Variants in LRRTM4 observed in about 807,000 individuals in gnomAD.
LRRTM4 encodes the protein leucine-rich repeat transmembrane neuronal protein 4.
In LRRTM4, 25 loss-of-function variants were observed where a neutral mutation model predicts 47.6. That is an observed-to-expected ratio of 0.53 (90% CI 0.38 to 0.73). The LOEUF (loss-of-function observed/expected upper bound fraction) is 0.73, where lower values mean the gene tolerates loss of function less well. Ranked by LOEUF, LRRTM4 falls within the 30% of genes least tolerant of loss-of-function variation. The pLI is 0.00. For synonymous variants in LRRTM4, 311 were observed against 269.5 expected (o/e 1.15, Z -1.51); for missense variants, 638 against 713.4 (o/e 0.89, Z 1.20).
At chr2:76,800,046 C>G (rs1675576503) in intron 3 of LRRTM4, among the ~76,000 whole-genome samples, 2 of 151,988 alleles carry the variant, frequency 1.3e-5, no homozygotes, top group African/African-American at 4.8e-5. Flanking sequence ...TTTACAGATT[C>G]AATGCCATCC....
At chr2:77,044,762 A>C (rs1014856281) in intron 3 of LRRTM4, among the ~76,000 whole-genome samples, 19 of 151,736 alleles carry the variant, frequency 1.3e-4, no homozygotes, top group African/African-American at 4.6e-4. Context: ...ACATATATAA[A>C]TATCTACACA....
At chr2:77,497,705 T>A (rs1678418542) in intron 3 of LRRTM4, among the ~76,000 whole-genome samples, 1 of 150,712 alleles carries the variant, frequency 6.6e-6, no homozygotes, top group Admixed American at 6.7e-5. Context: ...TATGTAATTA[T>A]AATATATAAT....
intron 3 of LRRTM4, among the ~76,000 whole-genome samples, chr2:77,145,776 A>AAAATAAATAAAT (rs71381266): frequency 0.011 from 1,600 of 148,038 alleles, 25 homozygotes; most frequent in African/African-American, 0.033. Flanking sequence ...TCCGTCTCAA[A>AAAATAAATAAAT]AAATAAATAA....
At chr2:77,386,613 A>T (rs558370236) in intron 3 of LRRTM4, among the ~76,000 whole-genome samples, 41 of 152,200 alleles carry the variant, frequency 2.7e-4, no homozygotes, top group Non-Finnish European at 5.3e-4. Context: ...TTGGGTATAT[A>T]CCCAGTAATG....
chr2:77,158,725 G>T (rs1480485952), intron 3 of LRRTM4, among the ~76,000 whole-genome samples: 1 of 151,374 alleles, frequency 6.6e-6, no homozygotes, highest in African/African-American at 2.4e-5. Context: ...AAGTACAAAA[G>T]TTGAAACTTG....
chr2:77,480,337 C>T (rs1322063878), intron 3 of LRRTM4, among the ~76,000 whole-genome samples: 1 of 152,124 alleles, frequency 6.6e-6, no homozygotes, highest in African/African-American at 2.4e-5. Flanking sequence ...TCAGCTGATT[C>T]AATAGGCATT....
intron 3 of LRRTM4, among the ~76,000 whole-genome samples, chr2:77,188,874 A>T (rs977816729): frequency 2.0e-5 from 3 of 152,148 alleles, no homozygotes; most frequent in African/African-American, 7.2e-5. Context: ...GAGTTCGATC[A>T]TTTTTGTTTC....
intron 3 of LRRTM4, among the ~76,000 whole-genome samples, chr2:76,975,839 T>G (rs1558772989): frequency 6.6e-6 from 1 of 151,544 alleles, no homozygotes; most frequent in Non-Finnish European, 1.5e-5. Flanking sequence ...ATTTTGTAAC[T>G]AATCAAATAA....
At chr2:76,915,797 G>C (rs1367217412) in intron 3 of LRRTM4, among the ~76,000 whole-genome samples, 1 of 152,018 alleles carries the variant, frequency 6.6e-6, no homozygotes, top group East Asian at 1.9e-4. Flanking sequence ...ATAGTTATAA[G>C]AAAGTGAAGA....
intron 2 of LRRTM4, among the ~76,000 whole-genome samples, chr2:77,521,155 A>T (rs576418636): frequency 6.6e-6 from 1 of 152,140 alleles, no homozygotes; most frequent in South Asian, 2.1e-4. Context: ...GAAAAAAGCC[A>T]GTCACACTCG....
At chr2:76,945,671 T>G (rs1573351802) in intron 3 of LRRTM4, among the ~76,000 whole-genome samples, 1 of 151,746 alleles carries the variant, frequency 6.6e-6, no homozygotes, top group Non-Finnish European at 1.5e-5. Flanking sequence ...AGAAAAACAA[T>G]GAAACATTAA....
rs114830815 is a variant in LRRTM4 at position 77,452,263 on chromosome 2, A to G, written c.1551+66055T>C. Among the ~76,000 whole-genome samples the G allele has an allele frequency of 2.6e-3, 392 of 152,336 alleles. 6 individuals are homozygous for G. The highest frequency in any genetic ancestry group is 8.9e-3 in the African/African-American group (372 of 41,576). On this transcript the variant is annotated intron_variant, in intron 3 of 3. Transcript: ENST00000409884. ...TATTGCAGTGGACTACGCAGCATGC[A>G]ATAGGGTGACAGCCAGATAGGTTTG...
chr2:77,257,473 G>A (rs1050229646), intron 3 of LRRTM4, among the ~76,000 whole-genome samples: 1 of 152,032 alleles, frequency 6.6e-6, no homozygotes, highest in African/African-American at 2.4e-5. Context: ...GAAATACATA[G>A]TTGTACATTT....
chr2:76,891,709 T>C (rs1673260579), intron 3 of LRRTM4, among the ~76,000 whole-genome samples: 1 of 151,676 alleles, frequency 6.6e-6, no homozygotes, highest in Admixed American at 6.6e-5. Flanking sequence ...CACATTAGAA[T>C]AAACTCCAAA....
At chr2:77,049,122 T>TATATATATATATATATATATATATA (rs34587249) in intron 3 of LRRTM4, among the ~76,000 whole-genome samples, 2 of 62,698 alleles carry the variant, frequency 3.2e-5, no homozygotes, top group African/African-American at 8.8e-5. Flanking sequence ...ATTTCATTTT[T>TATATATATATATATATATATATATA]TATATATATA....
chr2:77,367,377 A>C (rs1018004395), intron 3 of LRRTM4, among the ~76,000 whole-genome samples: 4 of 151,796 alleles, frequency 2.6e-5, no homozygotes, highest in Non-Finnish European at 4.4e-5. Context: ...TATTATCTAA[A>C]ATGATTAATT....
At chr2:77,321,299 A>C (rs1677781707) in intron 3 of LRRTM4, among the ~76,000 whole-genome samples, 1 of 152,114 alleles carries the variant, frequency 6.6e-6, no homozygotes, top group African/African-American at 2.4e-5. Context: ...AGAATGCTTT[A>C]GTCTATGTGT....
chr2:77,310,791 A>C (rs2104196029), intron 3 of LRRTM4, among the ~76,000 whole-genome samples: 1 of 152,280 alleles, frequency 6.6e-6, no homozygotes, highest in African/African-American at 2.4e-5. Flanking sequence ...TTTTTTAAAT[A>C]ATACTGAGCA....
At chr2:76,961,827 A>G (rs1179431816) in intron 3 of LRRTM4, among the ~76,000 whole-genome samples, 2 of 151,344 alleles carry the variant, frequency 1.3e-5, no homozygotes, top group South Asian at 2.1e-4. Context: ...ATTCAATAAT[A>G]TACTCTAAAA....
Sources: allele counts gnomAD v4.1 joint callset (sites outside exome capture counted in the v4.1 genomes callset), GRCh38; gene constraint gnomAD v4.1.1; transcripts MANE v1.5; gene names NCBI Gene and HGNC (gene_info 2026-07-23, HGNC 2026-07-21).